LPIN1: variants seen among roughly 807,000 people sequenced by gnomAD.
The protein encoded by LPIN1 is lipin 1.
In LPIN1, 71 loss-of-function variants were observed where a neutral mutation model predicts 107.5. That is an observed-to-expected ratio of 0.66 (90% CI 0.55 to 0.80). The LOEUF (loss-of-function observed/expected upper bound fraction) is 0.80. Among genes scored for constraint, LPIN1 ranks in the 30% least tolerant of loss-of-function variants. The pLI is 0.00. For missense variants in LPIN1, 1,043 were observed against 1,160.6 expected, an observed-to-expected ratio of 0.90 and a Z score of 1.47; for synonymous variants, 445 against 452.6, an observed-to-expected ratio of 0.98 and a Z score of 0.21.
chr2:11,803,074 T>A lies in LPIN1; in HGVS notation c.2013+41T>A. On this transcript the variant is annotated intron_variant, in intron 15 of 20. Transcript: ENST00000674199. The surrounding 1 kb of genome is among the most constrained non-coding windows in gnomAD (Gnocchi z 4.2). The stretch of plus-strand genomic sequence containing the variant: ...TTGGCGCGGCTGTGTTGTGAGCACA[T>A]GAGGTTTCTGCAGACTCCTAAGGCT... 2 of 1,610,642 alleles carry A rather than the reference T, an allele frequency of 1.2e-6. No individual in the cohort carries two copies. Among genetic ancestry groups the A allele is most frequent in the Non-Finnish European group, 1.7e-6 (2 of 1,179,844 alleles).
Position 11,815,298 on chromosome 2 carries a change from C to T in LPIN1, c.2402+58C>T, listed in dbSNP as rs966190821. 9.4e-6 allele frequency: 15 copies of T among 1,600,654 alleles called. No homozygotes were observed. The African/African-American group carries it at 1.9e-4, about 20-fold the overall frequency. On this transcript the variant is annotated intron_variant, in intron 18 of 20. Coordinates refer to ENST00000674199, the MANE Select transcript of LPIN1 (RefSeq NM_001349206.2). ...GAGCCTGTTCAGACCCGCTCTCTTC[C>T]TAACTGCAAGTTTTGTAAGAATAGC...
intron 1 of LPIN1, among the ~76,000 whole-genome samples, chr2:11,685,594 C>G (rs1025012170): frequency 2.0e-5 from 3 of 152,078 alleles, no homozygotes; most frequent in African/African-American, 7.2e-5. Context: ...AACTTCAGTC[C>G]CTGAAATACA....
intron 1 of LPIN1, among the ~76,000 whole-genome samples, chr2:11,678,068 G>A (rs527421115): frequency 3.9e-4 from 60 of 152,352 alleles, no homozygotes; most frequent in Non-Finnish European, 7.9e-4. Flanking sequence ...CAGGCACTCT[G>A]CTAGAACATC....
At position 11,804,578 on chromosome 2, in the gene LPIN1, C is replaced by T; in HGVS notation, c.2162+7C>T. 1.2e-6 allele frequency: 2 copies of T among 1,613,764 alleles called. No homozygotes were observed. The highest frequency in any genetic ancestry group is 1.7e-6 in the Non-Finnish European group (2 of 1,179,990). On this transcript the variant is annotated splice_region_variant and intron_variant, in intron 16 of 20. Coordinates refer to ENST00000674199, the MANE Select transcript of LPIN1 (RefSeq NM_001349206.2). ...TTGATGGGACAATTACCAGGTAGGT[C>T]CTGCTGACTTGGGGCCCATGGTAGA...
chr2:11,730,269 AGCCCGC>A, intron 1 of LPIN1, among the ~76,000 whole-genome samples: 1 of 152,152 alleles, frequency 6.6e-6, no homozygotes, highest in Non-Finnish European at 1.5e-5. Context: ...TTTCCTGAGG[AGCCCGC>A]TGAGGCCGTT....
chr2:11,766,175 C>T (rs893144999), intron 2 of LPIN1, among the ~76,000 whole-genome samples: 1 of 152,244 alleles, frequency 6.6e-6, no homozygotes, highest in Non-Finnish European at 1.5e-5. Flanking sequence ...CCCCACAACA[C>T]AGTGGCAGTG....
At chr2:11,714,732 A>C (rs1663618915) in intron 2 of LPIN1, among the ~76,000 whole-genome samples, 1 of 152,216 alleles carries the variant, frequency 6.6e-6, no homozygotes, top group Non-Finnish European at 1.5e-5. Context: ...TGACGCTGGA[A>C]TGCTTAGTGT....
At chr2:11,706,001 T>C (rs960912595) in intron 1 of LPIN1, among the ~76,000 whole-genome samples, 1 of 152,186 alleles carries the variant, frequency 6.6e-6, no homozygotes, top group Non-Finnish European at 1.5e-5. Context: ...TCGCAAGATC[T>C]GATGGTTTTA....
chr2:11,797,476 G>T (rs1278086101), intron 14 of LPIN1, among the ~76,000 whole-genome samples: 1 of 152,238 alleles, frequency 6.6e-6, no homozygotes, highest in African/African-American at 2.4e-5. Context: ...AATCCATCCT[G>T]CCCTCTGGCA....
chr2:11,792,631 C>T (rs972345777), intron 13 of LPIN1, among the ~76,000 whole-genome samples: 8 of 152,160 alleles, frequency 5.3e-5, no homozygotes, highest in African/African-American at 1.7e-4. Flanking sequence ...GATCTGCCTG[C>T]CTAGGCCTCC....
intron 1 of LPIN1, among the ~76,000 whole-genome samples, chr2:11,732,657 C>T (rs924591895): frequency 2.6e-5 from 4 of 152,144 alleles, no homozygotes; most frequent in Non-Finnish European, 5.9e-5. Context: ...CAAAGGACCA[C>T]CTGATAAATG....
rs1662620381 is a variant in LPIN1, at chr2:11,697,010, C to A, written c.82-16746C>A. Among the ~76,000 whole-genome samples, 1 of 152,242 alleles carries A rather than the reference C, an allele frequency of 6.6e-6. No individual in the cohort carries two copies. Among genetic ancestry groups the A allele is most frequent in the Non-Finnish European group, 1.5e-5 (1 of 68,046 alleles). On this transcript the variant is annotated intron_variant, in intron 1 of 21. Transcript: ENST00000449576. This position sits in a 1 kb window ranked among gnomAD's most constrained non-coding sequence, Gnocchi z 4.6. Reference sequence around the variant, plus strand: ...GGTGTGGGCCTGGGACCCTTCAGAACAGGGGCTCCTGCCCAGCCTCTGGGT... The same window carrying A: ...GGTGTGGGCCTGGGACCCTTCAGAAAAGGGGCTCCTGCCCAGCCTCTGGGT...
intron 4 of LPIN1, among the ~76,000 whole-genome samples, chr2:11,772,329 A>G (rs376472193): frequency 7.2e-5 from 11 of 152,326 alleles, no homozygotes; most frequent in Admixed American, 3.9e-4. Flanking sequence ...TGTGGACCCA[A>G]TCCTAGAGTG....
intron 1 of LPIN1, among the ~76,000 whole-genome samples, chr2:11,684,616 C>G (rs1572298609): frequency 6.6e-6 from 1 of 152,314 alleles, no homozygotes; most frequent in East Asian, 1.9e-4. Flanking sequence ...GTTCATGTGA[C>G]TTGGCCCATT....
At chr2:11,696,046 CTTTTTTTTTTT>C (rs531347349) in intron 1 of LPIN1, among the ~76,000 whole-genome samples, 1 of 126,088 alleles carries the variant, frequency 7.9e-6, no homozygotes, top group East Asian at 2.2e-4. Context: ...GCTGACTCTC[CTTTTTTTTTTT>C]TTTTTTTTTA....
Position 11,824,703 on chromosome 2 carries a change from C to T in LPIN1, c.2693C>T (p.Pro898Leu). The part of the protein sequence containing the change: ...LLKRSHSSDF[P>L]CSDTFSNFTF... ...AAAAGAAGCCATTCTTCAGACTTTC[C>T]CTGTTCGGATACCTTCAGTAACTTC... Residue 898 changes from proline to leucine, a missense_variant, in exon 21 of 21, where the codon CCC (proline) becomes CTC (leucine). By Grantham distance (98) the Pro-to-Leu change is moderately conservative (BLOSUM62 -3). Coordinates refer to ENST00000674199, the MANE Select transcript of LPIN1 (RefSeq NM_001349206.2). 6.2e-7 allele frequency: 1 copy of T among 1,614,160 alleles called. No homozygotes were observed. The highest frequency in any genetic ancestry group is 1.1e-5 in the South Asian group (1 of 91,084).
At chr2:11,790,333 T>C (rs1290792616) in intron 12 of LPIN1, among the ~76,000 whole-genome samples, 1 of 152,214 alleles carries the variant, frequency 6.6e-6, no homozygotes, top group East Asian at 1.9e-4. Context: ...TCTTTGTGAT[T>C]TTCTCAGCTT....
intron 1 of LPIN1, among the ~76,000 whole-genome samples, chr2:11,699,941 A>G (rs1313996386): frequency 6.6e-6 from 1 of 152,148 alleles, no homozygotes; most frequent in Non-Finnish European, 1.5e-5. Flanking sequence ...CTTCAATTAA[A>G]AAAAAAATGG....
chr2:11,744,712 A>C (rs1406476647), upstream of LPIN1, among the ~76,000 whole-genome samples: 1 of 152,216 alleles, frequency 6.6e-6, no homozygotes, highest in Non-Finnish European at 1.5e-5. Context: ...CTTTCCACAT[A>C]GAGTAGACTT....
Sources: gnomAD v4.1 joint callset for allele counts (sites outside exome capture counted in the v4.1 genomes callset) on GRCh38, gnomAD v4.1.1 for gene constraint, Gnocchi (gnomAD v3.1) non-coding constraint, MANE v1.5 for transcripts, NCBI Gene and HGNC (gene_info 2026-07-23, HGNC 2026-07-21) for gene names.